Variants in HS6ST3 observed in about 807,000 individuals in gnomAD.
HS6ST3 encodes heparan-sulfate 6-O-sulfotransferase 3.
Under a neutral mutation model 36.7 loss-of-function variants are expected in HS6ST3, and 12 were observed. The ratio of observed to expected loss-of-function variants is 0.33; its 90% confidence interval spans 0.21 to 0.53. HS6ST3 has a LOEUF of 0.53. Among genes scored for constraint, HS6ST3 ranks in the 20% least tolerant of loss-of-function variants. HS6ST3 has a pLI of 0.95. For synonymous variants in HS6ST3, 240 were observed against 257.5 expected (o/e 0.93, Z 0.65); for missense variants, 584 against 640.9 (o/e 0.91, Z 0.96).
intron 1 of HS6ST3, among the ~76,000 whole-genome samples, chr13:96,360,555 A>C (rs573603318): frequency 2.0e-5 from 3 of 151,654 alleles, no homozygotes; most frequent in Non-Finnish European, 4.4e-5. Flanking sequence ...GTCAGGCTAC[A>C]CTTCTATTGA....
intron 1 of HS6ST3, among the ~76,000 whole-genome samples, chr13:96,125,219 G>A (rs2053944903): frequency 6.6e-6 from 1 of 152,066 alleles, no homozygotes; most frequent in Admixed American, 6.5e-5. Context: ...GAAGCAGGGG[G>A]GTGGTTTTAA....
At chr13:96,402,666 AT>A (rs1230656235) in intron 1 of HS6ST3, among the ~76,000 whole-genome samples, 1 of 152,224 alleles carries the variant, frequency 6.6e-6, no homozygotes, top group African/African-American at 2.4e-5. Context: ...GATGAATGGA[AT>A]CATAAAGTGC....
At chr13:96,508,851 C>T (rs1167935451) in intron 1 of HS6ST3, among the ~76,000 whole-genome samples, 1 of 152,074 alleles carries the variant, frequency 6.6e-6, no homozygotes, top group Non-Finnish European at 1.5e-5. Flanking sequence ...GTGCAAGTGT[C>T]TTTTTCATAT....
chr13:96,566,257 T>A (rs1016897999), intron 1 of HS6ST3, among the ~76,000 whole-genome samples: 2 of 152,024 alleles, frequency 1.3e-5, no homozygotes, highest in Non-Finnish European at 2.9e-5. Context: ...GCAGAGAGAA[T>A]AGAGAGACTG....
chr13:96,317,347 TATATATATA>T (rs1566321982), intron 1 of HS6ST3, among the ~76,000 whole-genome samples: 10,006 of 90,726 alleles, frequency 0.11, 648 homozygotes, highest in Middle Eastern at 0.15. Context: ...TATATATATA[TATATATATA>T]TATATATATA....
At chr13:96,678,280 C>T (rs1181453108) in intron 1 of HS6ST3, among the ~76,000 whole-genome samples, 1 of 152,166 alleles carries the variant, frequency 6.6e-6, no homozygotes, top group Admixed American at 6.5e-5. Context: ...TTAGGCCACA[C>T]CTGCCAACAG....
chr13:96,246,129 T>A (rs958422370), intron 1 of HS6ST3, among the ~76,000 whole-genome samples: 8 of 152,174 alleles, frequency 5.3e-5, no homozygotes, highest in Admixed American at 3.9e-4. Flanking sequence ...TGTTGTGGCT[T>A]GTAGTGACCT....
intron 1 of HS6ST3, among the ~76,000 whole-genome samples, chr13:96,239,985 G>A (rs1443809839): frequency 6.6e-6 from 1 of 152,118 alleles, no homozygotes; most frequent in Non-Finnish European, 1.5e-5. Context: ...AATCTTTGAT[G>A]CTTTTATAAG....
chr13:96,173,208 A>T (rs1335939672), intron 1 of HS6ST3, among the ~76,000 whole-genome samples: 2 of 152,156 alleles, frequency 1.3e-5, no homozygotes, highest in Admixed American at 6.6e-5. Context: ...ATAGTCAGGG[A>T]TGTATCTCTG....
chr13:96,369,560 A>G (rs2055279544), intron 1 of HS6ST3, among the ~76,000 whole-genome samples: 1 of 152,140 alleles, frequency 6.6e-6, no homozygotes, highest in Non-Finnish European at 1.5e-5. Context: ...TTTCATACAA[A>G]CGTGCAGAAC....
intron 1 of HS6ST3, among the ~76,000 whole-genome samples, chr13:96,517,232 G>T (rs1157417113): frequency 7.1e-6 from 1 of 141,804 alleles, no homozygotes; most frequent in Non-Finnish European, 1.5e-5. Flanking sequence ...AAAAAAAAAA[G>T]CCAGTGTGGT....
chr13:96,458,647 A>T lies in HS6ST3; in HGVS notation c.707+367078A>T, dbSNP rs58631083. Among the ~76,000 whole-genome samples the T allele has an allele frequency of 4.4e-4, 67 of 152,278 alleles. No individual in the cohort carries two copies. The East Asian group carries it at 0.012, about 27-fold the overall frequency. On this transcript the variant is annotated intron_variant, in intron 1 of 1. Coordinates refer to ENST00000376705, the MANE Select transcript of HS6ST3 (RefSeq NM_153456.4). ...TGTCAAGTTCTCAAGACAAAAAAAA[A>T]AAAAAAGAATGGTCTTTGAACTGCA...
chr13:96,204,067 C>A (rs888275734), intron 1 of HS6ST3, among the ~76,000 whole-genome samples: 1 of 152,006 alleles, frequency 6.6e-6, no homozygotes, highest in South Asian at 2.1e-4. Context: ...TAAAAGATTA[C>A]TATTAAAATA....
At chr13:96,456,453 G>T (rs1346950407) in intron 1 of HS6ST3, among the ~76,000 whole-genome samples, 2 of 152,124 alleles carry the variant, frequency 1.3e-5, no homozygotes, top group Non-Finnish European at 2.9e-5. Flanking sequence ...ATGTGCAAAT[G>T]CATTTTCCTA....
intron 1 of HS6ST3, among the ~76,000 whole-genome samples, chr13:96,602,623 G>A (rs755882330): frequency 9.9e-5 from 15 of 152,176 alleles, no homozygotes; most frequent in Admixed American, 2.0e-4. Context: ...GCTTTCTGGA[G>A]TATGGGCCCA....
At chr13:96,117,428 G>A (rs973530599) in intron 1 of HS6ST3, among the ~76,000 whole-genome samples, 3 of 152,134 alleles carry the variant, frequency 2.0e-5, no homozygotes, top group South Asian at 2.1e-4. Flanking sequence ...AGTTGTAATT[G>A]CGAAAGTATT....
At chr13:96,244,546 C>G (rs927309446) in intron 1 of HS6ST3, among the ~76,000 whole-genome samples, 2 of 152,076 alleles carry the variant, frequency 1.3e-5, no homozygotes, top group African/African-American at 2.4e-5. Flanking sequence ...CATGATGAAT[C>G]AGAAATGCTT....
chr13:96,492,663 T>C (rs945908182), intron 1 of HS6ST3, among the ~76,000 whole-genome samples: 4 of 152,178 alleles, frequency 2.6e-5, no homozygotes, highest in Admixed American at 2.6e-4. Context: ...TATTTGAGGG[T>C]ATCTATCTGA....
intron 1 of HS6ST3, among the ~76,000 whole-genome samples, chr13:96,370,404 ATG>A (rs1188968042): frequency 1.6e-4 from 25 of 152,178 alleles, no homozygotes; most frequent in Admixed American, 1.6e-3. Context: ...AATATTTTGT[ATG>A]TAAAAATTTT....
Sources: gnomAD v4.1 joint callset for allele counts (sites outside exome capture counted in the v4.1 genomes callset) on GRCh38, gnomAD v4.1.1 for gene constraint, MANE v1.5 for transcripts, NCBI Gene and HGNC (gene_info 2026-07-23, HGNC 2026-07-21) for gene names.